DOCK9: variants seen among roughly 807,000 people sequenced by gnomAD.
DOCK9 encodes the protein dedicator of cytokinesis 9.
DOCK9 carries 89 observed loss-of-function variants against 263.3 expected under a neutral mutation model. The observed-to-expected ratio is 0.34, with a 90% CI of 0.28 to 0.40. DOCK9 has a LOEUF of 0.40. Among genes scored for constraint, DOCK9 ranks in the 10% least tolerant of loss-of-function variants. DOCK9 has a pLI of 1.00. For missense variants in DOCK9, 2,140 were observed against 2,603.4 expected (o/e 0.82, Z 3.87); for synonymous variants, 976 against 973.1 (o/e 1.00, Z -0.06).
chr13:98,855,397 C>A (rs1209175278), intron 34 of DOCK9, among the ~76,000 whole-genome samples: 1 of 152,074 alleles, frequency 6.6e-6, no homozygotes, highest in East Asian at 1.9e-4. Flanking sequence ...TATGGTGAAA[C>A]CCCATCTCTA....
chr13:98,958,834 A>C (rs945491677), intron 1 of DOCK9, among the ~76,000 whole-genome samples: 3 of 152,196 alleles, frequency 2.0e-5, no homozygotes, highest in Non-Finnish European at 2.9e-5. Context: ...TTTTGCATCT[A>C]TCTGATTAAA....
rs1446589022 is a variant in DOCK9 at position 98,960,398 on chromosome 13, G to A, written c.127-4847C>T. Among the ~76,000 whole-genome samples the A allele has an allele frequency of 2.0e-5, 3 of 152,146 alleles. No homozygotes were observed. The East Asian group carries it at 5.8e-4, about 29-fold the overall frequency. ...ATGACATTCAGAACATACACACTGG[G>A]TGACTGCTGCTTTTATAGTGTATAA... On this transcript the variant is annotated intron_variant, in intron 1 of 52. Coordinates refer to ENST00000682017, the MANE Select transcript of DOCK9 (RefSeq NM_001366683.2).
intron 1 of DOCK9, among the ~76,000 whole-genome samples, chr13:98,968,546 G>A (rs2059419986): frequency 6.6e-6 from 1 of 152,152 alleles, no homozygotes; most frequent in Admixed American, 6.6e-5. Flanking sequence ...CTTGCACCCT[G>A]GAGGCGGGGG....
At position 98,855,930 on chromosome 13, in the gene DOCK9, T is replaced by C; in HGVS notation, c.3799A>G (p.Arg1267Gly). The change falls in exon 34 of 53, where the codon AGG becomes GGG. Residue 1267 changes from arginine (R) to glycine (G), a missense_variant. By Grantham distance (125) the Arg-to-Gly change is moderately radical. Transcript: ENST00000682017. ...AGGGAATTGCTCTTCTCACTATTCCTTTCTGGAAGGCTGTTACCCGAATCT... is the reference window on the plus strand; with the variant it reads ...AGGGAATTGCTCTTCTCACTATTCCCTTCTGGAAGGCTGTTACCCGAATCT... ...STDSGNSLPE[R>G]NSEKSNSLDK... The C allele has an allele frequency of 6.2e-7, 1 of 1,614,038 alleles. No individual in the cohort carries two copies. Among genetic ancestry groups the C allele is most frequent in the Non-Finnish European group, 8.5e-7 (1 of 1,179,896 alleles).
chr13:98,813,451 CTGTA>C (rs942318833), intron 45 of DOCK9, among the ~76,000 whole-genome samples: 1 of 151,966 alleles, frequency 6.6e-6, no homozygotes, highest in African/African-American at 2.4e-5. Context: ...GTCAAATACT[CTGTA>C]TGCATCTACT....
chr13:98,905,451 G>A (rs934849025), intron 9 of DOCK9, among the ~76,000 whole-genome samples: 2 of 152,194 alleles, frequency 1.3e-5, no homozygotes, highest in African/African-American at 4.8e-5. Flanking sequence ...CCAAGGGAAG[G>A]CCCATTTGGA....
chr13:98,885,087 A>G lies in DOCK9; in HGVS notation c.2266T>C (p.Tyr756His), dbSNP rs570723840. Residue 756 changes from tyrosine (Y) to histidine (H), a missense_variant, in exon 21 of 53, where the codon TAC becomes CAC. Physicochemically the swap from Tyr to His is moderately conservative, Grantham distance 83. Coordinates refer to ENST00000682017, the MANE Select transcript of DOCK9 (RefSeq NM_001366683.2). ...TCTTTCAGGAGGGGAAGCCAGGAGT[A>G]GCCAACTGTTGAAAACAAAGAACAA... Reference protein sequence around the residue: ...KRDVVETQVGYSWLPLLKDGR... With the variant: ...KRDVVETQVGHSWLPLLKDGR... 6.2e-7 allele frequency: 1 copy of G among 1,613,630 alleles called. No individual in the cohort carries two copies. The highest frequency in any genetic ancestry group is 2.2e-5 in the East Asian group (1 of 44,876).
intron 1 of DOCK9, among the ~76,000 whole-genome samples, chr13:99,032,993 ATCATTGG>A (rs1887508521): frequency 6.6e-6 from 1 of 152,218 alleles, no homozygotes; most frequent in African/African-American, 2.4e-5. Context: ...TAAGTAAGAC[ATCATTGG>A]CTTTTAGGAA....
rs1379731977 is a variant in DOCK9, at chr13:98,829,633, G to A, written c.4749+10C>T. ...CTCAGGGTGAAACTAACATGGGCCA[G>A]GCTACCCACCTTAATAAGCCGGTCA... On this transcript the variant is annotated intron_variant, in intron 42 of 52. Coordinates refer to ENST00000682017, the MANE Select transcript of DOCK9 (RefSeq NM_001366683.2). This position sits in a 1 kb window ranked among gnomAD's most constrained non-coding sequence, Gnocchi z 4.1. The A allele has an allele frequency of 5.6e-6, 9 of 1,595,404 alleles. No homozygotes were observed. Among genetic ancestry groups the A allele is most frequent in the Non-Finnish European group, 7.7e-6 (9 of 1,170,198 alleles).
intron 1 of DOCK9, chr13:99,015,681 A>G: frequency 6.7e-7 from 1 of 1,492,512 alleles, no homozygotes; most frequent in Non-Finnish European, 8.9e-7. Flanking sequence ...GGCTCTTCCG[A>G]AACAGGCTCC....
At chr13:98,994,565 T>C (rs1880568816) in intron 1 of DOCK9, among the ~76,000 whole-genome samples, 2 of 152,218 alleles carry the variant, frequency 1.3e-5, no homozygotes, top group Non-Finnish European at 2.9e-5. Flanking sequence ...CAAAGGAATG[T>C]GTGTCCAGAG....
At chr13:98,922,543 C>T (rs2052220849) in intron 5 of DOCK9, among the ~76,000 whole-genome samples, 1 of 152,150 alleles carries the variant, frequency 6.6e-6, no homozygotes, top group African/African-American at 2.4e-5. Flanking sequence ...ATGCACATTC[C>T]TGGAAACCTT....
At chr13:98,942,144 C>T (rs1250009928) in intron 2 of DOCK9, among the ~76,000 whole-genome samples, 2 of 152,104 alleles carry the variant, frequency 1.3e-5, no homozygotes, top group Non-Finnish European at 2.9e-5. Flanking sequence ...TGCACTCAAC[C>T]TTGAGGTAGG....
chr13:99,009,911 G>C (rs779046982), intron 1 of DOCK9, among the ~76,000 whole-genome samples: 2 of 151,388 alleles, frequency 1.3e-5, no homozygotes, highest in African/African-American at 2.4e-5. Flanking sequence ...AGTTTATATA[G>C]TACTAAAGTA....
Position 98,955,040 on chromosome 13 carries a change from G to A in DOCK9, c.243+395C>T, listed in dbSNP as rs183926472. The stretch of plus-strand genomic sequence containing the variant: ...ATCTTTTAAAAACCATAATTAGGCC[G>A]GGCACAGTGGCTCATGCCTATAATC... On this transcript the variant is annotated intron_variant, in intron 2 of 52. Coordinates refer to ENST00000682017, the MANE Select transcript of DOCK9 (RefSeq NM_001366683.2). Among the ~76,000 whole-genome samples the A allele has an allele frequency of 4.6e-5, 7 of 152,100 alleles. No homozygotes were observed. In the East Asian group the frequency reaches 5.8e-4, roughly 13 times the overall value.
intron 1 of DOCK9, among the ~76,000 whole-genome samples, chr13:99,049,525 AT>A (rs949840167): frequency 1.5e-4 from 23 of 149,934 alleles, no homozygotes; most frequent in African/African-American, 4.1e-4. Context: ...AACAGCTGAA[AT>A]TTTTTTTTTT....
chr13:99,074,873 G>C (rs1410929837), intron 1 of DOCK9, among the ~76,000 whole-genome samples: 1 of 152,182 alleles, frequency 6.6e-6, no homozygotes, highest in African/African-American at 2.4e-5. Context: ...AAGAGGAACT[G>C]CTCACATAGG....
In DOCK9 at chr13:98,826,857, G is replaced by A; in HGVS notation, c.4996C>T (p.Leu1666=). ...TTCCGTGTGAGATATTCTGCCACTA[G>A]GGCTGTTACGTGGACATAGCACATT... ...AAMCYVHVTA[L]VAEYLTRKGV... is the part of the protein sequence containing the mutation. Residue 1666 remains leucine, a synonymous_variant, in exon 44 of 53, where the codon CTA becomes TTA. Transcript: ENST00000682017. The A allele has an allele frequency of 6.2e-7, 1 of 1,610,832 alleles. No individual in the cohort carries two copies. The highest frequency in any genetic ancestry group is 8.5e-7 in the Non-Finnish European group (1 of 1,178,546).
At chr13:98,806,847 T>C (rs1337088766) in intron 48 of DOCK9, among the ~76,000 whole-genome samples, 1 of 151,382 alleles carries the variant, frequency 6.6e-6, no homozygotes, top group Admixed American at 6.6e-5. Flanking sequence ...AGGCAGAGAT[T>C]GCAGTGAGCT....
Sources: gnomAD v4.1 joint callset for allele counts (sites outside exome capture counted in the v4.1 genomes callset) on GRCh38, gnomAD v4.1.1 for gene constraint, Gnocchi (gnomAD v3.1) non-coding constraint, MANE v1.5 for transcripts, NCBI Gene and HGNC (gene_info 2026-07-23, HGNC 2026-07-21) for gene names.